SFMBT1: variants seen among roughly 807,000 people sequenced by gnomAD.
SFMBT1 encodes the protein scm-like with four MBT domains protein 1.
Under a neutral mutation model 108.7 loss-of-function variants are expected in SFMBT1, and 32 were observed. The ratio of observed to expected loss-of-function variants is 0.29; its 90% CI spans 0.22 to 0.40. SFMBT1 has a LOEUF of 0.40. SFMBT1 is among the 10% of genes least tolerant of loss of function. The pLI, the probability that SFMBT1 is intolerant of heterozygous loss-of-function variation, is 1.00. For synonymous variants in SFMBT1, 348 were observed against 369.5 expected, an observed-to-expected ratio of 0.94 and a Z score of 0.67; for missense variants, 816 against 1,059.6, an observed-to-expected ratio of 0.77 and a Z score of 3.19.
In SFMBT1 at chr3:52,976,590, G is replaced by A. The variant is rs116764721; in HGVS notation, c.-130-7332C>T. Among the ~76,000 whole-genome samples the A allele has an allele frequency of 7.4e-3, 1,131 of 152,164 alleles. 21 individuals carry two copies. Among genetic ancestry groups the A allele is most frequent in the African/African-American group, 0.026 (1,073 of 41,528 alleles). On this transcript the variant is annotated intron_variant, in intron 1 of 20. Coordinates refer to ENST00000394752, the MANE Select transcript of SFMBT1 (RefSeq NM_016329.4). ...GAATAGCATAGATTTCCTTAAGCAA[G>A]GAAGCCATAAAATGGATACATTTGA...
intron 7 of SFMBT1, 57 bp downstream of exon 7, chr3:52,930,884 T>A: frequency 6.9e-7 from 1 of 1,449,398 alleles, no homozygotes; most frequent in Non-Finnish European, 9.7e-7. Flanking sequence ...ACCTCCTGCG[T>A]TGCTTTACTC....
rs113446298 is a variant in SFMBT1 at position 53,002,759 on chromosome 3, C to G, written c.-130-33501G>C. ...TTGAAGCAGGAATTTTCAAAACAGC[C>G]TCCTCTTTCTTTCAGCAAGTCATAT... On this transcript the variant is annotated intron_variant, in intron 1 of 20. Coordinates refer to ENST00000394752, the MANE Select transcript of SFMBT1 (RefSeq NM_016329.4). 2.6e-3 allele frequency among the ~76,000 whole-genome samples: 387 copies of G among 150,398 alleles called. 9 individuals carry two copies. Among genetic ancestry groups the G allele is most frequent in the African/African-American group, 8.9e-3 (370 of 41,398 alleles).
intron 1 of SFMBT1, among the ~76,000 whole-genome samples, chr3:53,007,734 A>C (rs1351641447): frequency 6.6e-6 from 1 of 152,242 alleles, no homozygotes; most frequent in Non-Finnish European, 1.5e-5. Context: ...GATAGTTAAC[A>C]TAATTTGGAA....
chr3:53,024,046 A>G (rs1699402383), intron 1 of SFMBT1, among the ~76,000 whole-genome samples: 1 of 152,250 alleles, frequency 6.6e-6, no homozygotes, highest in Non-Finnish European at 1.5e-5. Flanking sequence ...CAAGGAGCTT[A>G]CATTCTAGTG....
At chr3:52,925,759 A>G (rs1702640419) in intron 10 of SFMBT1, among the ~76,000 whole-genome samples, 1 of 152,244 alleles carries the variant, frequency 6.6e-6, no homozygotes. Context: ...CTATTATTGA[A>G]CCATGAAAAA....
intron 1 of SFMBT1, among the ~76,000 whole-genome samples, chr3:53,004,778 T>A (rs1325646665): frequency 2.1e-5 from 3 of 139,822 alleles, no homozygotes; most frequent in African/African-American, 7.4e-5. Flanking sequence ...ACATAGGGCC[T>A]CCACCTTGAT....
At chr3:53,038,829 A>G (rs1699946181) in intron 1 of SFMBT1, among the ~76,000 whole-genome samples, 1 of 152,218 alleles carries the variant, frequency 6.6e-6, no homozygotes, top group African/African-American at 2.4e-5. Context: ...CAAAACCTCA[A>G]CTAACCAGAA....
At chr3:52,926,876 C>T (rs923151585) in intron 9 of SFMBT1, among the ~76,000 whole-genome samples, 7 of 152,088 alleles carry the variant, frequency 4.6e-5, no homozygotes, top group Admixed American at 4.6e-4. Flanking sequence ...AGTCTATGCC[C>T]TCTGACAGCC....
chr3:52,907,424 C>A, intron 18 of SFMBT1, 110 bp from the exon 19 acceptor site: 2 of 1,519,726 alleles, frequency 1.3e-6, no homozygotes, highest in Non-Finnish European at 1.8e-6. Flanking sequence ...CAAACCAGTT[C>A]TTGGGCCACA....
chr3:52,927,571 T>C (rs924042971), intron 9 of SFMBT1, among the ~76,000 whole-genome samples: 3 of 152,212 alleles, frequency 2.0e-5, no homozygotes, highest in African/African-American at 4.8e-5. Context: ...TCTCTAAGTT[T>C]AAAAATATTA....
intron 1 of SFMBT1, among the ~76,000 whole-genome samples, chr3:52,972,977 G>A (rs1175546226): frequency 6.6e-6 from 1 of 152,042 alleles, no homozygotes; most frequent in African/African-American, 2.4e-5. Context: ...AGCCAAGATC[G>A]TACCACTGCA....
rs756441598 is a variant in SFMBT1 at position 52,906,099 on chromosome 3, G to C, written c.2460+14C>G. 1.2e-5 allele frequency: 20 copies of C among 1,613,344 alleles called. No individual in the cohort carries two copies. Among genetic ancestry groups the C allele is most frequent in the Non-Finnish European group, 1.7e-5 (20 of 1,179,624 alleles). ...AAAGAGACATTACTAAAAATTATAG[G>C]TATCTGTGATTACCTGGTCTAGGAA... On this transcript the variant is annotated intron_variant, in intron 20 of 20. Transcript: ENST00000394752.
rs571065833 is a variant in SFMBT1 at position 52,961,858 on chromosome 3, A to T, written c.28+7243T>A. On this transcript the variant is annotated intron_variant, in intron 2 of 20. Transcript: ENST00000394752. Reference sequence around the variant, plus strand: ...CCTTAGCAAGGACTCTAGGTCCTTAAATAGCATGTTAATTTAAAAATAAAA... The same window carrying T: ...CCTTAGCAAGGACTCTAGGTCCTTATATAGCATGTTAATTTAAAAATAAAA... 2.1e-4 allele frequency among the ~76,000 whole-genome samples: 32 copies of T among 152,358 alleles called. 1 individual carries two copies. In the South Asian group the frequency reaches 6.4e-3, roughly 31 times the overall value.
At chr3:52,983,729 G>A (rs1463217525) in intron 1 of SFMBT1, among the ~76,000 whole-genome samples, 4 of 152,156 alleles carry the variant, frequency 2.6e-5, no homozygotes, top group Non-Finnish European at 5.9e-5. Flanking sequence ...CTTGTGTGGC[G>A]TATTTGAGGC....
chr3:52,991,854 G>C (rs1460778104), intron 1 of SFMBT1, among the ~76,000 whole-genome samples: 1 of 152,052 alleles, frequency 6.6e-6, no homozygotes, highest in African/African-American at 2.4e-5. Context: ...CTTGATTTTG[G>C]ACTTCTCAGA....
At chr3:53,044,015 T>A (rs1471302503) in intron 1 of SFMBT1, among the ~76,000 whole-genome samples, 2 of 152,164 alleles carry the variant, frequency 1.3e-5, no homozygotes, top group East Asian at 3.8e-4. Flanking sequence ...TTGATCTGAG[T>A]GTGGTTATCA....
intron 1 of SFMBT1, among the ~76,000 whole-genome samples, chr3:53,032,854 G>A (rs1699733373): frequency 6.6e-6 from 1 of 152,262 alleles, no homozygotes; most frequent in East Asian, 1.9e-4. Context: ...CAGAGCAAAG[G>A]GTGGTTAATG....
intron 1 of SFMBT1, among the ~76,000 whole-genome samples, chr3:53,016,828 T>A (rs890904648): frequency 2.0e-5 from 3 of 152,230 alleles, no homozygotes; most frequent in Non-Finnish European, 2.9e-5. Context: ...TAGTGCTTTT[T>A]GCCTCTTATT....
intron 2 of SFMBT1, among the ~76,000 whole-genome samples, chr3:52,964,932 G>A (rs769333127): frequency 9.2e-5 from 14 of 151,980 alleles, no homozygotes; most frequent in Non-Finnish European, 1.6e-4. Context: ...TTAACACAAA[G>A]GAAAAATCAA....
Sources: allele counts gnomAD v4.1 joint callset (sites outside exome capture counted in the v4.1 genomes callset), GRCh38; gene constraint gnomAD v4.1.1; transcripts MANE v1.5; gene names NCBI Gene and HGNC (gene_info 2026-07-23, HGNC 2026-07-21).